ARSG: variants seen among roughly 807,000 people sequenced by gnomAD.
ARSG encodes ASG.
ARSG carries 37 observed loss-of-function variants against 50.5 expected under a neutral mutation model. That is an observed-to-expected ratio of 0.73 (90% confidence interval 0.56 to 0.96). The LOEUF is 0.96. ARSG is among the 50% of genes least tolerant of loss of function. The probability of loss-of-function intolerance (pLI) is 0.00; values close to 1 mark genes in which losing one functional copy is unlikely to be tolerated. For synonymous variants in ARSG, 225 were observed against 254.6 expected, an observed-to-expected ratio of 0.88 and a Z score of 1.11; for missense variants, 629 against 675.3, an observed-to-expected ratio of 0.93 and a Z score of 0.76.
chr17:68,282,345 C>T (rs1428057824), intron 1 of ARSG, among the ~76,000 whole-genome samples: 1 of 151,888 alleles, frequency 6.6e-6, no homozygotes, highest in African/African-American at 2.4e-5. Context: ...CACACCGGGG[C>T]CTGTCGTGGG....
chr17:68,311,923 C>A (rs1243336640), intron 2 of ARSG, among the ~76,000 whole-genome samples: 1 of 151,712 alleles, frequency 6.6e-6, no homozygotes, highest in Non-Finnish European at 1.5e-5. Flanking sequence ...GCCTCAGCCT[C>A]CCAAGTAGCT....
At chr17:68,422,967 G>A (rs1231718897), downstream of ARSG, among the ~76,000 whole-genome samples, 1 of 152,126 alleles carries the variant, frequency 6.6e-6, no homozygotes, top group African/African-American at 2.4e-5. Flanking sequence ...ATCCCAAGGA[G>A]GCAAGCGTGA....
intron 4 of ARSG, among the ~76,000 whole-genome samples, chr17:68,347,907 C>G (rs1439155948): frequency 2.0e-5 from 3 of 152,204 alleles, no homozygotes; most frequent in Admixed American, 6.5e-5. Flanking sequence ...TCTCCCCTCC[C>G]CTGCCCCAGT....
chr17:68,408,218 C>A (rs1226433625), intron 11 of ARSG, among the ~76,000 whole-genome samples: 1 of 151,524 alleles, frequency 6.6e-6, no homozygotes, highest in African/African-American at 2.4e-5. Flanking sequence ...TGGTGTGCTG[C>A]ACCCATTAAC....
At chr17:68,362,603 C>T (rs1462262128) in intron 6 of ARSG, among the ~76,000 whole-genome samples, 1 of 152,042 alleles carries the variant, frequency 6.6e-6, no homozygotes, top group Non-Finnish European at 1.5e-5. Context: ...ATCTGGAATG[C>T]TTGGGACCAG....
At chr17:68,395,388 G>T (rs1600079995) in intron 10 of ARSG, among the ~76,000 whole-genome samples, 195 bp downstream of exon 10, 2 of 152,342 alleles carry the variant, frequency 1.3e-5, no homozygotes, top group Admixed American at 1.3e-4. Context: ...AGGAGTTCGA[G>T]ACCAGCCTGA....
chr17:68,412,919 C>T (rs1009331798), intron 11 of ARSG, among the ~76,000 whole-genome samples: 3 of 152,128 alleles, frequency 2.0e-5, no homozygotes, highest in Non-Finnish European at 4.4e-5. Flanking sequence ...GCACCGGCTC[C>T]TGAGGCTTCT....
At chr17:68,331,452 G>A (rs1430206354) in intron 2 of ARSG, among the ~76,000 whole-genome samples, 1 of 152,032 alleles carries the variant, frequency 6.6e-6, no homozygotes, top group Non-Finnish European at 1.5e-5. Context: ...CACCGTGTTA[G>A]CCAGGATGGT....
At chr17:68,328,190 C>A (rs558844684) in intron 2 of ARSG, among the ~76,000 whole-genome samples, 1 of 152,270 alleles carries the variant, frequency 6.6e-6, no homozygotes, top group South Asian at 2.1e-4. Context: ...TCACTTATTG[C>A]CCCTCCACAC....
At chr17:68,389,887 G>T (rs1410305759) in intron 9 of ARSG, among the ~76,000 whole-genome samples, 3 of 152,046 alleles carry the variant, frequency 2.0e-5, no homozygotes, top group Non-Finnish European at 2.9e-5. Flanking sequence ...AGTCCATGTG[G>T]TTCCTTCTGG....
chr17:68,374,219 G>A (rs1478682956), intron 8 of ARSG, among the ~76,000 whole-genome samples: 1 of 151,438 alleles, frequency 6.6e-6, no homozygotes, highest in East Asian at 1.9e-4. Flanking sequence ...GGAGTGGTTT[G>A]TTGCATTAGC....
At chr17:68,293,858 C>CA (rs1555757219) in intron 1 of ARSG, among the ~76,000 whole-genome samples, 1 of 152,158 alleles carries the variant, frequency 6.6e-6, no homozygotes. Flanking sequence ...TTGCTAGTCA[C>CA]AAAAAAGTCA....
chr17:68,422,762 G>T (rs937195877), downstream of ARSG: 1 of 149,776 alleles, frequency 6.7e-6, no homozygotes, highest in African/African-American at 2.5e-5. Flanking sequence ...AAAAGGGAAG[G>T]TCAGTTTATA....
intron 11 of ARSG, 26 bp downstream of exon 11, chr17:68,401,476 C>T: frequency 1.2e-6 from 2 of 1,605,390 alleles, no homozygotes; most frequent in Non-Finnish European, 1.7e-6. Flanking sequence ...CTTAGCCCTG[C>T]CTCCCACAGT....
intron 9 of ARSG, among the ~76,000 whole-genome samples, chr17:68,389,601 T>G (rs1357213023): frequency 6.6e-6 from 1 of 152,164 alleles, no homozygotes; most frequent in Non-Finnish European, 1.5e-5. Flanking sequence ...TGATCCCTAC[T>G]GTTCCCTGTC....
the ARSG span, among the ~76,000 whole-genome samples, chr17:68,451,406 C>CA: frequency 6.6e-6 from 1 of 152,172 alleles, no homozygotes; most frequent in South Asian, 2.1e-4. Flanking sequence ...TGCACTCCAG[C>CA]CTGGGCGACA....
chr17:68,348,543 G>A (rs1315056938), intron 4 of ARSG, among the ~76,000 whole-genome samples: 1 of 152,058 alleles, frequency 6.6e-6, no homozygotes, highest in African/African-American at 2.4e-5. Flanking sequence ...TTTCCCTCCT[G>A]CCTCTTACAT....
chr17:68,335,519 C>A lies in ARSG; in HGVS notation c.219-8085C>A, dbSNP rs188071021. Reference sequence around the variant, plus strand: ...CAGTGAGCCGAGATCATGCCACTGCCCTCCAGCCTGGGCAACAGAGCGAGA... The same window carrying A: ...CAGTGAGCCGAGATCATGCCACTGCACTCCAGCCTGGGCAACAGAGCGAGA... On this transcript the variant is annotated intron_variant, in intron 2 of 11. Coordinates refer to ENST00000621439, the MANE Select transcript of ARSG (RefSeq NM_001267727.2). 3.3e-3 allele frequency among the ~76,000 whole-genome samples: 502 copies of A among 150,740 alleles called. 5 individuals are homozygous for A. Among genetic ancestry groups the A allele is most frequent in the African/African-American group, 0.011 (464 of 40,854 alleles).
At chr17:68,413,380 C>G (rs1256330602) in intron 11 of ARSG, among the ~76,000 whole-genome samples, 2 of 151,974 alleles carry the variant, frequency 1.3e-5, no homozygotes, top group East Asian at 1.9e-4. Flanking sequence ...GTACTGGGCC[C>G]TGTGAGGTGT....
Sources: allele counts gnomAD v4.1 joint callset (sites outside exome capture counted in the v4.1 genomes callset), GRCh38; gene constraint gnomAD v4.1.1; transcripts MANE v1.5; gene names NCBI Gene and HGNC (gene_info 2026-07-23, HGNC 2026-07-21).